SAMSN1: variants seen among roughly 807,000 people sequenced by gnomAD.
SAMSN1 encodes the protein SAM domain, SH3 domain and nuclear localization signals 1.
SAMSN1 carries 31 observed loss-of-function variants against 42.0 expected under a neutral mutation model. The ratio of observed to expected loss-of-function variants is 0.74; its 90% CI spans 0.55 to 1.00. SAMSN1 has a LOEUF of 1.00. Ranked by LOEUF, SAMSN1 falls within the 50% of genes least tolerant of loss-of-function variation. The pLI, the probability that SAMSN1 is intolerant of heterozygous loss-of-function variation, is 0.00. For synonymous variants in SAMSN1, 178 were observed against 151.9 expected (o/e 1.17, Z -1.26); for missense variants, 464 against 439.4 (o/e 1.06, Z -0.50).
chr21:14,580,077 G>T (rs1361464637), intron 2 of SAMSN1, among the ~76,000 whole-genome samples: 1 of 152,166 alleles, frequency 6.6e-6, no homozygotes, highest in African/African-American at 2.4e-5. Context: ...CTTCTGCCTG[G>T]TGTTACTCAG....
chr21:14,557,499 C>G (rs755933330), intron 2 of SAMSN1, among the ~76,000 whole-genome samples: 25 of 152,154 alleles, frequency 1.6e-4, no homozygotes, highest in Non-Finnish European at 3.2e-4. Context: ...ACATGTTCAA[C>G]CCCTGTTTTC....
chr21:14,571,783 CTCT>C (rs1981309428), intron 2 of SAMSN1, among the ~76,000 whole-genome samples: 1 of 152,126 alleles, frequency 6.6e-6, no homozygotes, highest in South Asian at 2.1e-4. Flanking sequence ...GCACTCCAGC[CTCT>C]TCTTCTTTTT....
chr21:14,579,514 T>C (rs1389021532), intron 2 of SAMSN1, among the ~76,000 whole-genome samples: 1 of 152,094 alleles, frequency 6.6e-6, no homozygotes, highest in Non-Finnish European at 1.5e-5. Flanking sequence ...CAAGAAGAAA[T>C]ATGCTTTATC....
chr21:14,485,908 G>A lies in SAMSN1; in HGVS notation c.*4C>T, dbSNP rs149543089. 1.3e-3 allele frequency: 2,022 copies of A among 1,610,504 alleles called. 32 individuals are homozygous for A. In the East Asian group the frequency reaches 0.038, roughly 30 times the overall value. ...TCTGTAGATATATAGTTGGGAATGCGTGTTCAGTCACTTGGCTCTGTGATA... is the reference window on the plus strand; with the variant it reads ...TCTGTAGATATATAGTTGGGAATGCATGTTCAGTCACTTGGCTCTGTGATA... On this transcript the variant is annotated 3_prime_UTR_variant, in exon 8 of 8. Transcript: ENST00000400566.
rs374038001 is a variant in SAMSN1 at position 14,538,320 on chromosome 21, TAG to T, written c.57+7883_57+7884del. 2.4e-4 allele frequency among the ~76,000 whole-genome samples: 36 copies of T among 152,150 alleles called. No individual in the cohort carries two copies. The East Asian group carries it at 6.8e-3, about 29-fold the overall frequency. On this transcript the variant is annotated intron_variant, in intron 1 of 7. Transcript: ENST00000400566. ...AATTGTACCCCAGATGAAGAAGTAA[TAG>T]AGAGTAGGAGGAGAGAGACACAGGC...
At chr21:14,539,213 AC>A (rs1451589460) in intron 1 of SAMSN1, among the ~76,000 whole-genome samples, 2 of 152,182 alleles carry the variant, frequency 1.3e-5, no homozygotes, top group Admixed American at 1.3e-4. Context: ...ATATTAACAG[AC>A]TTGCTACAAA....
At chr21:14,586,953 T>C (rs1033603073), upstream of SAMSN1, among the ~76,000 whole-genome samples, 2 of 152,106 alleles carry the variant, frequency 1.3e-5, no homozygotes, top group South Asian at 2.1e-4. Flanking sequence ...TATGTGCCCA[T>C]GAAGGGAAAG....
intron 5 of SAMSN1, among the ~76,000 whole-genome samples, chr21:14,500,955 C>A (rs1341313210): frequency 2.6e-5 from 4 of 152,164 alleles, no homozygotes; most frequent in Non-Finnish European, 5.9e-5. Context: ...GGGAGGATTG[C>A]ATGAGGCCAG....
chr21:14,563,363 A>G (rs942331061), intron 2 of SAMSN1, among the ~76,000 whole-genome samples: 2 of 152,228 alleles, frequency 1.3e-5, no homozygotes, highest in African/African-American at 4.8e-5. Context: ...GAAATTTAAC[A>G]TGACTTCACT....
chr21:14,519,725 C>T (rs1259949784), intron 2 of SAMSN1, among the ~76,000 whole-genome samples: 2 of 151,884 alleles, frequency 1.3e-5, no homozygotes, highest in African/African-American at 4.8e-5. Context: ...AGCATAGGAT[C>T]TAAAAACCTA....
intron 2 of SAMSN1, among the ~76,000 whole-genome samples, chr21:14,630,774 T>C (rs1983307622): frequency 6.6e-6 from 1 of 152,212 alleles, no homozygotes; most frequent in Admixed American, 6.5e-5. Flanking sequence ...CTCTTGTCCA[T>C]AGTTTGATGA....
At position 14,486,044 on chromosome 21, in the gene SAMSN1, CT is replaced by C; in HGVS notation, c.989del (p.Gln330ArgfsTer2). 1 of 1,613,546 alleles carries C rather than the reference CT, an allele frequency of 6.2e-7. No individual in the cohort carries two copies. The highest frequency in any genetic ancestry group is 8.5e-7 in the Non-Finnish European group (1 of 1,179,588). On this transcript the variant is annotated frameshift_variant, in exon 8 of 8. Coordinates refer to ENST00000400566, the MANE Select transcript of SAMSN1 (RefSeq NM_022136.5). LOFTEE classifies it high-confidence loss of function. ...CAGAGTCCCTTGGGCAGTCATCTAA[CT>C]GTGACTTATTTAAGGAGATGTCTGA... ...LSSDISLNKS[Q>X]LDDCPRDSGC...
intron 7 of SAMSN1, 77 bp from the exon 8 acceptor site, chr21:14,486,191 A>G (rs942475790): frequency 3.1e-6 from 3 of 978,416 alleles, no homozygotes; most frequent in East Asian, 2.6e-5. Flanking sequence ...ACTTTCAAGT[A>G]TTATCCTATT....
At chr21:14,501,706 A>G (rs1248669910) in intron 5 of SAMSN1, among the ~76,000 whole-genome samples, 2 of 152,244 alleles carry the variant, frequency 1.3e-5, no homozygotes, top group East Asian at 1.9e-4. Context: ...ACATAAAAGT[A>G]TGTGTACACT....
At chr21:14,606,948 T>C (rs1982585238) in intron 5 of SAMSN1, among the ~76,000 whole-genome samples, 1 of 152,238 alleles carries the variant, frequency 6.6e-6, no homozygotes, top group Admixed American at 6.5e-5. Flanking sequence ...CAATACTCTT[T>C]AGGGCTGAAA....
chr21:14,512,961 A>T (rs948249282), intron 3 of SAMSN1, among the ~76,000 whole-genome samples: 1 of 152,174 alleles, frequency 6.6e-6, no homozygotes, highest in African/African-American at 2.4e-5. Context: ...ATCCATTGAG[A>T]TCTGATCCTA....
chr21:14,596,545 G>A (rs1982268094), intron 6 of SAMSN1, among the ~76,000 whole-genome samples: 1 of 152,116 alleles, frequency 6.6e-6, no homozygotes, highest in South Asian at 2.1e-4. Context: ...GAATAAAATG[G>A]AAGTGATGAT....
chr21:14,517,436 A>C (rs1987967212), intron 2 of SAMSN1, among the ~76,000 whole-genome samples: 1 of 152,226 alleles, frequency 6.6e-6, no homozygotes, highest in Admixed American at 6.5e-5. Flanking sequence ...GAAGCTTTAG[A>C]TAGGCTGTAG....
intron 7 of SAMSN1, among the ~76,000 whole-genome samples, chr21:14,494,005 C>G (rs1986805021): frequency 6.6e-6 from 1 of 152,070 alleles, no homozygotes; most frequent in Non-Finnish European, 1.5e-5. Context: ...CAAGCAGTGA[C>G]CTAGATACCA....
Sources: gnomAD v4.1 joint callset for allele counts (sites outside exome capture counted in the v4.1 genomes callset) on GRCh38, gnomAD v4.1.1 for gene constraint, MANE v1.5 for transcripts, NCBI Gene and HGNC (gene_info 2026-07-23, HGNC 2026-07-21) for gene names.